The following ZNG1B variants were observed in gnomAD, a reference collection of about 807,000 sequenced individuals.
The protein encoded by ZNG1B is zinc-regulated GTPase metalloprotein activator 1B.
chr2:113,451,676 C>T, the ZNG1B span, among the ~76,000 whole-genome samples: 135 of 152,304 alleles, frequency 8.9e-4, no homozygotes, highest in African/African-American at 2.6e-3. Context: ...TTCATCTTTA[C>T]TCCTCCTAAA....
At chr2:113,471,393 G>A in the ZNG1B span, among the ~76,000 whole-genome samples, 1 of 151,992 alleles carries the variant, frequency 6.6e-6, no homozygotes, top group African/African-American at 2.4e-5. Context: ...GAAATACATA[G>A]AAAATTTTAG....
the ZNG1B span, among the ~76,000 whole-genome samples, chr2:113,450,056 GA>G: frequency 6.7e-6 from 1 of 150,026 alleles, no homozygotes; most frequent in African/African-American, 2.4e-5. Context: ...CTACCTCCTT[GA>G]AGGCACTTTT....
chr2:113,471,612 C>A, the ZNG1B span, among the ~76,000 whole-genome samples: 1 of 151,050 alleles, frequency 6.6e-6, no homozygotes, highest in Non-Finnish European at 1.5e-5. Context: ...AGTTATATCT[C>A]CCAATGCTAT....
the ZNG1B span, chr2:113,447,942 C>T: frequency 2.5e-6 from 1 of 399,656 alleles, no homozygotes; most frequent in Non-Finnish European, 4.9e-6. Flanking sequence ...TCTGTGAGGG[C>T]TGGAATCATC....
the ZNG1B span, among the ~76,000 whole-genome samples, chr2:113,487,312 A>G: frequency 6.6e-6 from 1 of 151,982 alleles, no homozygotes; most frequent in Non-Finnish European, 1.5e-5. Context: ...TCATGTTTGT[A>G]TAACAACAAA....
the ZNG1B span, among the ~76,000 whole-genome samples, chr2:113,474,136 A>T: frequency 1.4e-4 from 22 of 151,878 alleles, no homozygotes; most frequent in Non-Finnish European, 2.9e-4. Context: ...TTTGGTTGGT[A>T]AGCTATTGAT....
At chr2:113,455,242 G>A in the ZNG1B span, among the ~76,000 whole-genome samples, 2,205 of 142,344 alleles carry the variant, frequency 0.015, 1 homozygote, top group African/African-American at 0.03. Context: ...CATGGCACCC[G>A]TTTACCTATG....
chr2:113,441,456 A>G, the ZNG1B span: 12 of 1,604,924 alleles, frequency 7.5e-6, no homozygotes, highest in African/African-American at 2.7e-5. Flanking sequence ...AGTTCAATAA[A>G]TGTCATGTTG....
the ZNG1B span, among the ~76,000 whole-genome samples, chr2:113,488,672 C>A: frequency 1.4e-5 from 2 of 147,022 alleles, no homozygotes; most frequent in East Asian, 4.0e-4. Context: ...AAATAAAAAA[C>A]AATCAAAACT....
chr2:113,470,333 C>T, the ZNG1B span: 1 of 152,316 alleles, frequency 6.6e-6, no homozygotes, highest in East Asian at 1.9e-4. Context: ...AAAATTATAA[C>T]TCAATCACCA....
At chr2:113,484,624 A>G in the ZNG1B span, among the ~76,000 whole-genome samples, 1 of 152,076 alleles carries the variant, frequency 6.6e-6, no homozygotes, top group East Asian at 1.9e-4. Flanking sequence ...TTAGTGTACA[A>G]TTCGATGTTT....
the ZNG1B span, among the ~76,000 whole-genome samples, chr2:113,471,293 T>C: frequency 6.6e-6 from 1 of 152,330 alleles, no homozygotes; most frequent in Admixed American, 6.5e-5. Context: ...GTAGAAATTA[T>C]AGTGTAAATG....
chr2:113,477,017 A>G, the ZNG1B span, among the ~76,000 whole-genome samples: 1 of 152,218 alleles, frequency 6.6e-6, no homozygotes, highest in Non-Finnish European at 1.5e-5. Flanking sequence ...AGAGGCAGGC[A>G]GGCTTCCTTG....
the ZNG1B span, chr2:113,495,779 TA>T: frequency 1.8e-6 from 1 of 542,614 alleles, no homozygotes; most frequent in African/African-American, 2.1e-5. Context: ...GATTGGATAA[TA>T]AAAATAAGTT....
the ZNG1B span, among the ~76,000 whole-genome samples, chr2:113,455,816 G>A: frequency 1.0e-3 from 131 of 126,992 alleles, 6 homozygotes; most frequent in Non-Finnish European, 1.9e-3. Flanking sequence ...CACCTCCCAG[G>A]TTCAAGCGAT....
the ZNG1B span, among the ~76,000 whole-genome samples, chr2:113,477,381 G>A: frequency 2.6e-5 from 4 of 152,086 alleles, no homozygotes; most frequent in Admixed American, 6.5e-5. Context: ...TTCGGCTCGC[G>A]GATGGTGCAC....
the ZNG1B span, among the ~76,000 whole-genome samples, chr2:113,457,787 A>G: frequency 1.4e-5 from 2 of 140,988 alleles, no homozygotes; most frequent in Non-Finnish European, 3.1e-5. Context: ...GTTAAGATCT[A>G]TGTTTTAGCA....
chr2:113,479,934 A>G, the ZNG1B span, among the ~76,000 whole-genome samples: 1 of 149,918 alleles, frequency 6.7e-6, no homozygotes, highest in Non-Finnish European at 1.5e-5. Flanking sequence ...CCGTCTTCCC[A>G]CCTCAGACTC....
chr2:113,461,631 TAGA>T, the ZNG1B span, among the ~76,000 whole-genome samples: 1 of 151,540 alleles, frequency 6.6e-6, no homozygotes. Flanking sequence ...TAATAGAAAA[TAGA>T]GCTTCTGATT....
Sources: allele counts gnomAD v4.1 joint callset (sites outside exome capture counted in the v4.1 genomes callset), GRCh38; gene constraint gnomAD v4.1.1; transcripts MANE v1.5; gene names NCBI Gene and HGNC (gene_info 2026-07-23, HGNC 2026-07-21).